LRRC37A: variants seen among roughly 807,000 people sequenced by gnomAD.
The protein encoded by LRRC37A is leucine-rich repeat-containing protein 37A.
In LRRC37A, 3 loss-of-function variants were observed where a neutral mutation model predicts 35.4. That is an observed-to-expected ratio of 0.08 (90% CI 0.04 to 0.22). The LOEUF (loss-of-function observed/expected upper bound fraction) is 0.22. LRRC37A is among the 10% of genes least tolerant of loss of function. LRRC37A has a pLI of 1.00. For missense variants in LRRC37A, 67 were observed against 565.3 expected, an observed-to-expected ratio of 0.12 and a Z score of 8.94; for synonymous variants, 23 against 215.0, an observed-to-expected ratio of 0.11 and a Z score of 7.81.
intron 7 of LRRC37A, among the ~76,000 whole-genome samples, chr17:46,324,838 T>TAAAAAA (rs1276976720): frequency 6.7e-5 from 5 of 75,002 alleles, no homozygotes; most frequent in African/African-American, 1.7e-4. Context: ...AGACCCTGTC[T>TAAAAAA]AAAATATATA....
At chr17:46,253,397 C>T in the LRRC37A span, among the ~76,000 whole-genome samples, 3 of 152,092 alleles carry the variant, frequency 2.0e-5, no homozygotes, top group Admixed American at 6.6e-5. Context: ...CCAAGGCAGG[C>T]GGCTGGGAGG....
At chr17:46,332,399 C>T (rs1338695509) in intron 9 of LRRC37A, among the ~76,000 whole-genome samples, 153 bp from the exon 10 acceptor site, 2 of 78,788 alleles carry the variant, frequency 2.5e-5, no homozygotes, top group South Asian at 4.1e-4. Context: ...GTCTAGTGAA[C>T]GGTGATTGCA....
the LRRC37A span, among the ~76,000 whole-genome samples, chr17:46,257,705 C>A: frequency 2.0e-5 from 3 of 150,700 alleles, no homozygotes; most frequent in Non-Finnish European, 4.4e-5. Flanking sequence ...ACCTGTGATC[C>A]CAGCTACTTG....
the LRRC37A span, among the ~76,000 whole-genome samples, chr17:46,272,577 G>A: frequency 1.3e-5 from 2 of 152,100 alleles, no homozygotes; most frequent in Non-Finnish European, 1.5e-5. Context: ...ACCATGCCTG[G>A]CTAATTTTTG....
chr17:46,283,722 G>C, the LRRC37A span, among the ~76,000 whole-genome samples: 2 of 152,116 alleles, frequency 1.3e-5, no homozygotes, highest in African/African-American at 4.8e-5. Flanking sequence ...AGAAATAAGG[G>C]GGCCCAGGGT....
intron 5 of LRRC37A, among the ~76,000 whole-genome samples, chr17:46,316,785 G>C (rs1200272521): frequency 1.0e-5 from 1 of 96,494 alleles, no homozygotes; most frequent in African/African-American, 3.5e-5. Flanking sequence ...TGTGTCCCTG[G>C]GTACTTGAGA....
chr17:46,279,598 C>G, the LRRC37A span, among the ~76,000 whole-genome samples: 1 of 147,764 alleles, frequency 6.8e-6, no homozygotes, highest in Non-Finnish European at 1.5e-5. Flanking sequence ...GTCTCCTGGG[C>G]TTAATCCTCC....
chr17:46,287,268 C>T, the LRRC37A span, among the ~76,000 whole-genome samples: 1 of 152,366 alleles, frequency 6.6e-6, no homozygotes, highest in South Asian at 2.1e-4. Context: ...ATGTCTTCCT[C>T]TGAATGAATG....
At chr17:46,287,118 G>A in the LRRC37A span, among the ~76,000 whole-genome samples, 1 of 152,200 alleles carries the variant, frequency 6.6e-6, no homozygotes, top group Non-Finnish European at 1.5e-5. Context: ...TTCTACCCCT[G>A]GCAAACTCCA....
At chr17:46,259,655 C>T in the LRRC37A span, 1 of 1,608,998 alleles carries the variant, frequency 6.2e-7, no homozygotes, top group Non-Finnish European at 8.5e-7. Context: ...TCCTTGGCCA[C>T]CTCATGCCCA....
the LRRC37A span, among the ~76,000 whole-genome samples, chr17:46,275,690 G>C: frequency 6.6e-6 from 1 of 152,176 alleles, no homozygotes; most frequent in African/African-American, 2.4e-5. Flanking sequence ...ACATTTTCAG[G>C]CAACTGGACA....
upstream of LRRC37A, among the ~76,000 whole-genome samples, chr17:46,291,507 T>C (rs2143463944): frequency 6.6e-6 from 1 of 151,166 alleles, no homozygotes; most frequent in East Asian, 1.9e-4. Context: ...GGCTCCCTGC[T>C]GGAAGTTAAG....
chr17:46,254,925 T>C, the LRRC37A span, among the ~76,000 whole-genome samples: 1 of 151,912 alleles, frequency 6.6e-6, no homozygotes, highest in Non-Finnish European at 1.5e-5. Flanking sequence ...AACCTCTGCC[T>C]CCTGGGTTCA....
the LRRC37A span, among the ~76,000 whole-genome samples, chr17:46,278,702 G>A: frequency 3.9e-5 from 6 of 152,070 alleles, no homozygotes; most frequent in Non-Finnish European, 8.8e-5. Context: ...GCACCTGGCT[G>A]AGTCCAAGTT....
At chr17:46,258,219 CT>C in the LRRC37A span, among the ~76,000 whole-genome samples, 7 of 147,212 alleles carry the variant, frequency 4.8e-5, no homozygotes, top group Non-Finnish European at 7.6e-5. Flanking sequence ...GAAAGAGATT[CT>C]TTTTTTTTTG....
At chr17:46,274,514 A>C in the LRRC37A span, among the ~76,000 whole-genome samples, 2 of 152,368 alleles carry the variant, frequency 1.3e-5, no homozygotes, top group East Asian at 1.9e-4. Context: ...AAGAAAAGAC[A>C]TCTAGAGGTT....
chr17:46,291,623 G>GA (rs1232105289), upstream of LRRC37A, among the ~76,000 whole-genome samples: 14 of 152,006 alleles, frequency 9.2e-5, no homozygotes, highest in East Asian at 1.4e-3. Flanking sequence ...TGTGTAATAT[G>GA]AAAAAAAGAC....
the LRRC37A span, chr17:46,275,501 T>A: frequency 1.6e-6 from 1 of 637,296 alleles, no homozygotes; most frequent in African/African-American, 2.0e-5. Context: ...AGTAAATAAA[T>A]CTGGAAGAAG....
upstream of LRRC37A, among the ~76,000 whole-genome samples, chr17:46,291,989 C>G (rs1251242692): frequency 1.8e-5 from 1 of 55,544 alleles, no homozygotes; most frequent in Non-Finnish European, 5.0e-5. Flanking sequence ...AAAAAAAAAG[C>G]CAATAAAATC....
Sources: allele counts gnomAD v4.1 joint callset (sites outside exome capture counted in the v4.1 genomes callset), GRCh38; gene constraint gnomAD v4.1.1; transcripts MANE v1.5; gene names NCBI Gene and HGNC (gene_info 2026-07-23, HGNC 2026-07-21).